DHTKD1: variants seen among roughly 807,000 people sequenced by gnomAD.
The protein encoded by DHTKD1 is 2-oxoadipate dehydrogenase complex component E1.
A neutral mutation model predicts 101.8 loss-of-function variants in DHTKD1; 78 were observed. The observed-to-expected ratio is 0.77, with a 90% CI of 0.64 to 0.93. The LOEUF (loss-of-function observed/expected upper bound fraction) is 0.93, where lower values mean the gene tolerates loss of function less well. Ranked by LOEUF, DHTKD1 falls within the 40% of genes least tolerant of loss-of-function variation. DHTKD1 has a pLI of 0.00. For missense variants in DHTKD1, 1,223 were observed against 1,161.7 expected, an observed-to-expected ratio of 1.05 and a Z score of -0.77; for synonymous variants, 462 against 450.3, an observed-to-expected ratio of 1.03 and a Z score of -0.33.
At chr10:12,094,589 G>T (rs1283164094) in intron 7 of DHTKD1, among the ~76,000 whole-genome samples, 2 of 151,838 alleles carry the variant, frequency 1.3e-5, no homozygotes, top group African/African-American at 4.8e-5. Flanking sequence ...TGCCTGCCTC[G>T]CCCTCCCAAA....
At chr10:12,073,122 TC>T (rs1303084351) in intron 1 of DHTKD1, among the ~76,000 whole-genome samples, 1 of 152,034 alleles carries the variant, frequency 6.6e-6, no homozygotes, top group Non-Finnish European at 1.5e-5. Context: ...AACCTATTCC[TC>T]CTGGGTTCAA....
chr10:12,106,453 C>A, intron 11 of DHTKD1, 57 bp downstream of exon 11: 4 of 1,599,232 alleles, frequency 2.5e-6, no homozygotes, highest in Non-Finnish European at 3.4e-6. Flanking sequence ...GCCCCAGCCT[C>A]GTGGGGACAA....
intron 5 of DHTKD1, among the ~76,000 whole-genome samples, chr10:12,091,227 A>G (rs1385963923): frequency 1.3e-5 from 2 of 151,596 alleles, no homozygotes; most frequent in African/African-American, 4.8e-5. Flanking sequence ...CCTGACCAAC[A>G]TGGTGAAACC....
intron 2 of DHTKD1, 122 bp from the exon 3 acceptor site, chr10:12,084,418 G>A (rs1395552839): frequency 3.1e-6 from 2 of 644,526 alleles, no homozygotes; most frequent in Non-Finnish European, 5.3e-6. Flanking sequence ...CAATTAAAGG[G>A]GGAAAGTGAG....
intron 12 of DHTKD1, among the ~76,000 whole-genome samples, chr10:12,112,281 C>T (rs1833345072): frequency 6.6e-6 from 1 of 152,136 alleles, no homozygotes; most frequent in African/African-American, 2.4e-5. Context: ...TGCCACTGAA[C>T]TCCAGCCTGG....
chr10:12,089,586 T>C (rs961810403), intron 5 of DHTKD1, among the ~76,000 whole-genome samples: 9 of 151,874 alleles, frequency 5.9e-5, no homozygotes, highest in Non-Finnish European at 2.9e-5. Flanking sequence ...GTGGTTCCCA[T>C]ACATATAACA....
At position 12,115,818 on chromosome 10, in the gene DHTKD1, C is replaced by A. The variant is rs966699419; in HGVS notation, c.2320-1855C>A. On this transcript the variant is annotated intron_variant, in intron 13 of 16. Transcript: ENST00000263035. Reference sequence around the variant, plus strand: ...AGTCTCGCTTTGTTGCCTAGGCTGGCATGCAGCGGCATAATCTTAGCTCAC... The same window carrying A: ...AGTCTCGCTTTGTTGCCTAGGCTGGAATGCAGCGGCATAATCTTAGCTCAC... 2.0e-5 allele frequency among the ~76,000 whole-genome samples: 3 copies of A among 151,972 alleles called. No homozygotes were observed. The South Asian group carries it at 6.2e-4, about 32-fold the overall frequency.
intron 7 of DHTKD1, among the ~76,000 whole-genome samples, chr10:12,096,082 AT>A (rs1833068220): frequency 6.6e-6 from 1 of 152,118 alleles, no homozygotes; most frequent in African/African-American, 2.4e-5. Context: ...CTGCCAGAAA[AT>A]TTTAAATTAC....
intron 2 of DHTKD1, among the ~76,000 whole-genome samples, chr10:12,082,661 C>T (rs1325321151): frequency 6.6e-6 from 1 of 151,278 alleles, no homozygotes; most frequent in East Asian, 1.9e-4. Flanking sequence ...TTTCTTGAGC[C>T]TCTGCAGAAA....
intron 8 of DHTKD1, 92 bp from the exon 9 acceptor site, chr10:12,100,085 CA>C: frequency 1.4e-6 from 1 of 695,282 alleles, no homozygotes; most frequent in Non-Finnish European, 2.4e-6. Context: ...CATGAGCCAC[CA>C]TGCCTGGCCT....
intron 7 of DHTKD1, 47 bp from the exon 8 acceptor site, chr10:12,097,637 A>G (rs1442496435): frequency 5.3e-6 from 8 of 1,522,152 alleles, no homozygotes; most frequent in Non-Finnish European, 7.1e-6. Context: ...TCTCTATTAG[A>G]TTGTTACAGG....
rs1833200587 is a variant in DHTKD1, at chr10:12,103,480, T to C, written c.1896+2299T>C. Among the ~76,000 whole-genome samples the C allele has an allele frequency of 1.4e-5, 2 of 144,410 alleles. No individual in the cohort carries two copies. Among genetic ancestry groups the C allele is most frequent in the Admixed American group, 1.5e-4 (2 of 13,452 alleles). 94.7% of individuals were successfully genotyped at this position (144,410 alleles called of 152,430 possible). On this transcript the variant is annotated intron_variant, in intron 10 of 16. Transcript: ENST00000263035. This position sits in a 1 kb window ranked among gnomAD's most constrained non-coding sequence, Gnocchi z 4.8. ...GTGTGTTTTTCCCCCAACTTCGTTG[T>C]ACATCTCAATCTGTGTGTGTGTGTG... is the stretch of plus-strand genomic sequence containing the variant.
Position 12,087,491 on chromosome 10 carries a change from C to T in DHTKD1, c.523-44C>T. On this transcript the variant is annotated intron_variant, in intron 3 of 16. Coordinates refer to ENST00000263035, the MANE Select transcript of DHTKD1 (RefSeq NM_018706.7). This position sits in a 1 kb window ranked among gnomAD's most constrained non-coding sequence, Gnocchi z 5.2. ...ACTTATCTGCCTTCCACTGGAGAAG[C>T]TGGCTGTCTCCTGGCAGCTCACGTC... 8 of 1,522,790 alleles carry T rather than the reference C, an allele frequency of 5.3e-6. No homozygotes were observed. Among genetic ancestry groups the T allele is most frequent in the Non-Finnish European group, 6.2e-6 (7 of 1,126,110 alleles). 94.3% of individuals were successfully genotyped at this position (1,522,790 alleles called of 1,614,324 possible).
intron 3 of DHTKD1, among the ~76,000 whole-genome samples, chr10:12,085,721 AAAC>A (rs1054766483): frequency 3.3e-5 from 5 of 152,092 alleles, no homozygotes; most frequent in African/African-American, 1.2e-4. Context: ...TCTACTAAAA[AAAC>A]AAAATACAAA....
intron 8 of DHTKD1, among the ~76,000 whole-genome samples, chr10:12,099,371 C>T (rs1489061090): frequency 1.3e-5 from 2 of 152,046 alleles, no homozygotes; most frequent in East Asian, 1.9e-4. Context: ...AACCTAAGCA[C>T]GTGTTTGTTT....
intron 1 of DHTKD1, among the ~76,000 whole-genome samples, chr10:12,071,641 C>T (rs1352375146): frequency 6.6e-6 from 1 of 150,830 alleles, no homozygotes; most frequent in Non-Finnish European, 1.5e-5. Flanking sequence ...GTGGTGCAGA[C>T]GTGGGGCCAG....
chr10:12,107,094 C>T lies in DHTKD1; in HGVS notation c.2047+698C>T, dbSNP rs1467030471. Among the ~76,000 whole-genome samples, 1 of 151,854 alleles carries T rather than the reference C, an allele frequency of 6.6e-6. No individual in the cohort carries two copies. Among genetic ancestry groups the T allele is most frequent in the Non-Finnish European group, 1.5e-5 (1 of 67,998 alleles). ...CCGCCTACTGGGTTTGCACGATTCTCCTGCCTCAGCCTCCCGAGTAGCTGG... is the reference window on the plus strand; with the variant it reads ...CCGCCTACTGGGTTTGCACGATTCTTCTGCCTCAGCCTCCCGAGTAGCTGG... On this transcript the variant is annotated intron_variant, in intron 11 of 16. Coordinates refer to ENST00000263035, the MANE Select transcript of DHTKD1 (RefSeq NM_018706.7). This position sits in a 1 kb window ranked among gnomAD's most constrained non-coding sequence, Gnocchi z 4.1.
chr10:12,119,517 G>A (rs192795134), intron 15 of DHTKD1, among the ~76,000 whole-genome samples: 4,339 of 150,126 alleles, frequency 0.029, 116 homozygotes, highest in Non-Finnish European at 0.043. Context: ...TTGGGAGGCT[G>A]ACGCAGGAGA....
chr10:12,082,372 A>G (rs1268694994), intron 2 of DHTKD1, among the ~76,000 whole-genome samples: 1 of 152,168 alleles, frequency 6.6e-6, no homozygotes, highest in Non-Finnish European at 1.5e-5. Context: ...GAACTTAGAA[A>G]AAGTTGGGCC....
Sources: gnomAD v4.1 joint callset for allele counts (sites outside exome capture counted in the v4.1 genomes callset) on GRCh38, gnomAD v4.1.1 for gene constraint, Gnocchi (gnomAD v3.1) non-coding constraint, MANE v1.5 for transcripts, NCBI Gene and HGNC (gene_info 2026-07-23, HGNC 2026-07-21) for gene names.